The following EP400 variants were observed in gnomAD, a reference collection of about 807,000 sequenced individuals.
The protein encoded by EP400 is E1A-binding protein p400.
EP400 carries 105 observed loss-of-function variants against 354.1 expected under a neutral mutation model. The ratio of observed to expected loss-of-function variants is 0.30; its 90% confidence interval spans 0.25 to 0.35. EP400 has a LOEUF of 0.35. Among genes scored for constraint, EP400 ranks in the 10% least tolerant of loss-of-function variants. EP400 has a pLI of 1.00. For missense variants in EP400, 3,280 were observed against 4,121.0 expected (o/e 0.80, Z 5.59); for synonymous variants, 1,646 against 1,716.9 (o/e 0.96, Z 1.02).
chr12:132,057,326 C>T (rs1895546793), intron 45 of EP400, among the ~76,000 whole-genome samples: 1 of 152,174 alleles, frequency 6.6e-6, no homozygotes, highest in African/African-American at 2.4e-5. Flanking sequence ...TCCTACCAAG[C>T]AATACAAAAG....
Position 131,994,818 on chromosome 12 carries a change from C to T in EP400, c.2738-49C>T, listed in dbSNP as rs554239576. The T allele has an allele frequency of 6.6e-7, 1 of 1,508,438 alleles. No homozygotes were observed. The highest frequency in any genetic ancestry group is 1.1e-5 in the South Asian group (1 of 88,050). The allele number at this position is 1,508,438 out of a possible 1,614,324, so 93.4% of individuals were successfully genotyped here. Reference sequence around the variant, plus strand: ...CTTATAGTGTGTAATGAGTAACAGACACTCAAGTGGTGTTGCCTCTCAGTG... The same window carrying T: ...CTTATAGTGTGTAATGAGTAACAGATACTCAAGTGGTGTTGCCTCTCAGTG... On this transcript the variant is annotated intron_variant, in intron 11 of 52. Transcript: ENST00000389561. The surrounding 1 kb of genome is among the most constrained non-coding windows in gnomAD (Gnocchi z 4.6).
At chr12:132,076,700 C>T in intron 52 of EP400, 107 bp downstream of exon 52, 2 of 1,001,008 alleles carry the variant, frequency 2.0e-6, no homozygotes, top group Non-Finnish European at 2.9e-6. Context: ...TTGTGATACA[C>T]ACAAAAACAT....
At position 132,045,720 on chromosome 12, in the gene EP400, T is replaced by C; in HGVS notation, c.7027-7T>C. On this transcript the variant is annotated splice_polypyrimidine_tract_variant and splice_region_variant and intron_variant, in intron 38 of 52. Transcript: ENST00000389561. Reference sequence around the variant, plus strand: ...TCACCTGTTTTACCTGAAATCTCCTTCTCTAGGCTGTAAAGCAGTTACTGG... The same window carrying C: ...TCACCTGTTTTACCTGAAATCTCCTCCTCTAGGCTGTAAAGCAGTTACTGG... 6.2e-7 allele frequency: 1 copy of C among 1,614,152 alleles called. No homozygotes were observed. Among genetic ancestry groups the C allele is most frequent in the Non-Finnish European group, 8.5e-7 (1 of 1,179,994 alleles).
At chr12:131,952,496 T>C (rs1229505671) in intron 1 of EP400, among the ~76,000 whole-genome samples, 1 of 151,854 alleles carries the variant, frequency 6.6e-6, no homozygotes, top group Non-Finnish European at 1.5e-5. Context: ...AGGGTCTTGC[T>C]CTGTCACCCA....
rs1197966389 is a variant in EP400 at position 132,029,923 on chromosome 12, G to A, written c.5584+20G>A. The A allele has an allele frequency of 3.7e-6, 6 of 1,611,164 alleles. No homozygotes were observed. Among genetic ancestry groups the A allele is most frequent in the South Asian group, 1.1e-5 (1 of 91,068 alleles). On this transcript the variant is annotated intron_variant, in intron 28 of 52. Transcript: ENST00000389561. This position sits in a 1 kb window ranked among gnomAD's most constrained non-coding sequence, Gnocchi z 4.7. ...ACTCAGGTATGCGGCAGTTGGGGGC[G>A]TGGCCCGTGCGGGAGCTGCACCGGC...
At chr12:132,045,086 C>A in intron 37 of EP400, 133 bp downstream of exon 37, 1 of 1,393,366 alleles carries the variant, frequency 7.2e-7, no homozygotes, top group Non-Finnish European at 9.6e-7. Context: ...ACACGCCCAT[C>A]CGCTGCCTCT....
chr12:131,985,770 G>A (rs1356398500), intron 5 of EP400, among the ~76,000 whole-genome samples: 4 of 152,146 alleles, frequency 2.6e-5, no homozygotes, highest in South Asian at 2.1e-4. Flanking sequence ...CACCATGCCC[G>A]GCTAATTTTG....
chr12:132,066,766 C>CTGTT lies in EP400; in HGVS notation c.8554-6_8554-3dup. The CTGTT allele has an allele frequency of 6.2e-7, 1 of 1,610,166 alleles. No individual in the cohort carries two copies. Among genetic ancestry groups the CTGTT allele is most frequent in the Non-Finnish European group, 8.5e-7 (1 of 1,178,672 alleles). On this transcript the variant is annotated splice_region_variant and splice_polypyrimidine_tract_variant and intron_variant, in intron 48 of 52. Transcript: ENST00000389561. ...TCTCTGGACTCTCCCATTATTTCTA[C>CTGTT]TGTTTAGACCCGGGTTCCCACTTCT...
At chr12:131,959,083 GA>G (rs1388880476) in intron 1 of EP400, among the ~76,000 whole-genome samples, 2 of 152,236 alleles carry the variant, frequency 1.3e-5, no homozygotes, top group Non-Finnish European at 2.9e-5. Context: ...GCCTAAGTGT[GA>G]ACTGGAACAT....
Position 132,038,366 on chromosome 12 carries a change from A to G in EP400, c.6207+270A>G, listed in dbSNP as rs1166904056. 3.3e-5 allele frequency among the ~76,000 whole-genome samples: 5 copies of G among 152,196 alleles called. No individual in the cohort carries two copies. Among genetic ancestry groups the G allele is most frequent in the Non-Finnish European group, 7.3e-5 (5 of 68,036 alleles). On this transcript the variant is annotated intron_variant, in intron 32 of 52. Coordinates refer to ENST00000389561, the MANE Select transcript of EP400 (RefSeq NM_015409.5). The surrounding 1 kb of genome is among the most constrained non-coding windows in gnomAD (Gnocchi z 4.2). ...GCCGTCTTCATCTGCACTTTGCCACAGTCTCAGCTCCTTCCCCTCCCCATG... is the reference window on the plus strand; with the variant it reads ...GCCGTCTTCATCTGCACTTTGCCACGGTCTCAGCTCCTTCCCCTCCCCATG...
intron 48 of EP400, chr12:132,065,536 A>G (rs1384927798): frequency 6.6e-6 from 1 of 152,616 alleles, no homozygotes; most frequent in African/African-American, 2.4e-5. Context: ...TGCCCCAGGC[A>G]GGGATAAGGG....
At chr12:132,049,041 G>A (rs1277927846) in intron 39 of EP400, among the ~76,000 whole-genome samples, 3 of 152,278 alleles carry the variant, frequency 2.0e-5, no homozygotes, top group South Asian at 2.1e-4. Flanking sequence ...GTGACTTGCC[G>A]AGCCCCCTAA....
At chr12:132,043,514 T>G in intron 33 of EP400, 52 bp downstream of exon 33, 1 of 1,595,504 alleles carries the variant, frequency 6.3e-7, no homozygotes, top group Non-Finnish European at 8.5e-7. Context: ...TTGACGCTTC[T>G]ATAAAATATT....
chr12:132,055,073 T>A (rs1895437678), intron 44 of EP400, 26 bp from the exon 45 acceptor site: 1 of 1,613,784 alleles, frequency 6.2e-7, no homozygotes, highest in African/African-American at 1.3e-5. Context: ...CTGGCGCTGT[T>A]GCCTTATGCC....
At position 132,025,933 on chromosome 12, in the gene EP400, C is replaced by T; in HGVS notation, c.5014+129C>T. The T allele has an allele frequency of 8.8e-7, 1 of 1,141,872 alleles. No individual in the cohort carries two copies. Among genetic ancestry groups the T allele is most frequent in the Non-Finnish European group, 1.2e-6 (1 of 857,044 alleles). 70.7% of individuals were successfully genotyped at this position (1,141,872 alleles called of 1,614,324 possible). ...AGCACAGTCTAGTGTGTGGCCATCT[C>T]TGATTTCTATAGATGTGTCCTAGTG... On this transcript the variant is annotated intron_variant, in intron 25 of 52. Coordinates refer to ENST00000389561, the MANE Select transcript of EP400 (RefSeq NM_015409.5). The surrounding 1 kb of genome is among the most constrained non-coding windows in gnomAD (Gnocchi z 4.1).
chr12:132,046,893 G>A (rs548210837), intron 39 of EP400, among the ~76,000 whole-genome samples: 4 of 152,338 alleles, frequency 2.6e-5, no homozygotes, highest in South Asian at 2.1e-4. Context: ...CCATGCTGGC[G>A]TGTGGGGACC....
rs993777736 is a variant in EP400, at chr12:132,075,136, A to T, written c.9022-1380A>T. Among the ~76,000 whole-genome samples, 13 of 151,650 alleles carry T rather than the reference A, an allele frequency of 8.6e-5. No individual in the cohort carries two copies. The highest frequency in any genetic ancestry group is 7.9e-4 in the Admixed American group (12 of 15,240). ...TTACAGATGCCACTGGAGGAAGGGGATGCTTTCTTTGCAGCCTTTGGGTAC... is the reference window on the plus strand; with the variant it reads ...TTACAGATGCCACTGGAGGAAGGGGTTGCTTTCTTTGCAGCCTTTGGGTAC... On this transcript the variant is annotated intron_variant, in intron 51 of 52. Coordinates refer to ENST00000389561, the MANE Select transcript of EP400 (RefSeq NM_015409.5). The surrounding 1 kb of genome is among the most constrained non-coding windows in gnomAD (Gnocchi z 4.5).
At chr12:132,011,968 G>A (rs1457831413) in intron 16 of EP400, among the ~76,000 whole-genome samples, 2 of 152,202 alleles carry the variant, frequency 1.3e-5, no homozygotes, top group African/African-American at 2.4e-5. Flanking sequence ...GCTTCCACAG[G>A]CACAGAGGAG....
Position 132,023,812 on chromosome 12 carries a change from A to G in EP400, c.4726A>G (p.Ile1576Val), listed in dbSNP as rs1388433053. 16 of 1,613,822 alleles carry G rather than the reference A, an allele frequency of 9.9e-6. No homozygotes were observed. Among genetic ancestry groups the G allele is most frequent in the African/African-American group, 1.3e-5 (1 of 74,886 alleles). ...AGTGAAAATAGCTCAGCTGGCATCC[A>G]TCACAGGACCACAGAGCCGCGTGGC... ...EVVKIAQLAS[I>V]TGPQSRVAQP... Residue 1576 changes from isoleucine to valine, a missense_variant, in exon 24 of 53, where the codon ATC (isoleucine) becomes GTC (valine). This residue lies in a region of EP400 where 342 missense variants were observed against 342.7 expected (regional missense o/e 1.00). Coordinates refer to ENST00000389561, the MANE Select transcript of EP400 (RefSeq NM_015409.5).
Sources: gnomAD v4.1 joint callset for allele counts (sites outside exome capture counted in the v4.1 genomes callset) on GRCh38, gnomAD v4.1.1 for gene constraint, gnomAD v4.1.1 regional missense constraint, Gnocchi (gnomAD v3.1) non-coding constraint, MANE v1.5 for transcripts, NCBI Gene and HGNC (gene_info 2026-07-23, HGNC 2026-07-21) for gene names.